The following SCYL2 variants were observed in gnomAD, a reference collection of about 807,000 sequenced individuals.
SCYL2 encodes the protein SCY1-like protein 2.
In SCYL2, 36 loss-of-function variants were observed where a neutral mutation model predicts 100.4. The ratio of observed to expected loss-of-function variants is 0.36; its 90% confidence interval spans 0.27 to 0.47. The LOEUF (loss-of-function observed/expected upper bound fraction) is 0.47, where lower values mean the gene tolerates loss of function less well. SCYL2 is among the 20% of genes least tolerant of loss of function. The pLI, the probability that SCYL2 is intolerant of heterozygous loss-of-function variation, is 1.00. For missense variants in SCYL2, 902 were observed against 1,083.9 expected, an observed-to-expected ratio of 0.83 and a Z score of 2.36; for synonymous variants, 330 against 359.2, an observed-to-expected ratio of 0.92 and a Z score of 0.92.
intron 4 of SCYL2, 67 bp downstream of exon 4, chr12:100,298,242 C>A: frequency 2.6e-6 from 3 of 1,154,454 alleles, no homozygotes; most frequent in African/African-American, 1.6e-5. Context: ...GCATTTCAAA[C>A]TTATTAACCA....
chr12:100,283,947 A>T (rs148210295), intron 2 of SCYL2, among the ~76,000 whole-genome samples: 36 of 152,270 alleles, frequency 2.4e-4, no homozygotes, highest in African/African-American at 8.2e-4. Context: ...TCGATTTGTT[A>T]CTTTTGAACA....
In SCYL2 at chr12:100,323,641, A is replaced by G; in HGVS notation, c.1509+3A>G. 1 of 1,488,268 alleles carries G rather than the reference A, an allele frequency of 6.7e-7. No homozygotes were observed. Among genetic ancestry groups the G allele is most frequent in the Non-Finnish European group, 9.2e-7 (1 of 1,084,082 alleles). The allele number at this position is 1,488,268 out of a possible 1,614,324, so 92.2% of individuals were successfully genotyped here. The stretch of plus-strand genomic sequence containing the variant: ...GTCTACAAACATCTTCCCTTGCGGT[A>G]AGTAATTGCATATTAATTTTTGTTT... On this transcript the variant is annotated splice_donor_region_variant and intron_variant, in intron 11 of 17. Coordinates refer to ENST00000360820, the MANE Select transcript of SCYL2 (RefSeq NM_017988.6).
chr12:100,275,205 T>A (rs2096291319), intron 1 of SCYL2, among the ~76,000 whole-genome samples: 1 of 152,064 alleles, frequency 6.6e-6, no homozygotes, highest in Non-Finnish European at 1.5e-5. Flanking sequence ...AATTTCTTTT[T>A]TTTTTCTTTT....
At chr12:100,320,126 C>T (rs1037573211) in intron 10 of SCYL2, among the ~76,000 whole-genome samples, 1 of 152,138 alleles carries the variant, frequency 6.6e-6, no homozygotes, top group African/African-American at 2.4e-5. Context: ...CACCCACCAC[C>T]CATTATAAAG....
intron 3 of SCYL2, among the ~76,000 whole-genome samples, chr12:100,296,605 G>C (rs976903445): frequency 1.1e-4 from 16 of 152,098 alleles, no homozygotes; most frequent in African/African-American, 2.7e-4. Context: ...GATAAGGACA[G>C]AGAAGAATCC....
At chr12:100,315,781 T>G (rs779653231) in intron 9 of SCYL2, 47 bp downstream of exon 9, 2 of 1,399,526 alleles carry the variant, frequency 1.4e-6, no homozygotes, top group African/African-American at 1.4e-5. Context: ...TATTTATGAT[T>G]GTGACTATCA....
intron 3 of SCYL2, among the ~76,000 whole-genome samples, chr12:100,295,731 G>T (rs992084390): frequency 1.3e-5 from 2 of 151,940 alleles, no homozygotes; most frequent in African/African-American, 4.8e-5. Flanking sequence ...GGGAGAGGGA[G>T]AGGGAGACCA....
At chr12:100,296,568 C>T (rs1357000881) in intron 3 of SCYL2, among the ~76,000 whole-genome samples, 1 of 152,064 alleles carries the variant, frequency 6.6e-6, no homozygotes, top group Non-Finnish European at 1.5e-5. Flanking sequence ...AACCTGCTAA[C>T]ACTGGGGAAT....
chr12:100,314,762 G>C (rs1183383233), intron 8 of SCYL2, 148 bp downstream of exon 8: 5 of 752,006 alleles, frequency 6.6e-6, no homozygotes, highest in Non-Finnish European at 1.0e-5. Flanking sequence ...GAAGCCAAAA[G>C]TTCAGTGGAC....
At chr12:100,298,416 G>C (rs2096323540) in intron 4 of SCYL2, among the ~76,000 whole-genome samples, 1 of 152,072 alleles carries the variant, frequency 6.6e-6, no homozygotes, top group African/African-American at 2.4e-5. Context: ...ATTGGCTAGT[G>C]GATGGAGTGG....
chr12:100,290,735 G>A (rs1386463848), intron 2 of SCYL2, among the ~76,000 whole-genome samples: 2 of 152,064 alleles, frequency 1.3e-5, no homozygotes, highest in African/African-American at 4.8e-5. Flanking sequence ...TGCTAATTTC[G>A]TTTCCAGTTT....
At chr12:100,327,561 A>G (rs965513332) in intron 12 of SCYL2, among the ~76,000 whole-genome samples, 2 of 150,712 alleles carry the variant, frequency 1.3e-5, no homozygotes, top group Non-Finnish European at 3.0e-5. Flanking sequence ...GTCACCCAGG[A>G]TGGAGTGCAG....
At chr12:100,294,586 C>A (rs1286080527) in intron 3 of SCYL2, among the ~76,000 whole-genome samples, 1 of 145,532 alleles carries the variant, frequency 6.9e-6, no homozygotes, top group Non-Finnish European at 1.5e-5. Context: ...CCCCCCACCT[C>A]CCTCCTGGAC....
At chr12:100,330,441 C>G (rs1036383643) in intron 13 of SCYL2, among the ~76,000 whole-genome samples, 1 of 152,308 alleles carries the variant, frequency 6.6e-6, no homozygotes, top group East Asian at 1.9e-4. Flanking sequence ...GTTATTAGAG[C>G]TTATTCTTCA....
intron 4 of SCYL2, among the ~76,000 whole-genome samples, chr12:100,309,563 C>T (rs1183179175): frequency 1.3e-5 from 2 of 152,168 alleles, no homozygotes; most frequent in African/African-American, 4.8e-5. Flanking sequence ...GAATTTCCTT[C>T]CTTTTAAAGG....
chr12:100,314,872 C>T (rs868827597), intron 8 of SCYL2, among the ~76,000 whole-genome samples: 1 of 152,138 alleles, frequency 6.6e-6, no homozygotes, highest in Non-Finnish European at 1.5e-5. Context: ...AAGAAGAGTC[C>T]ATAAGCTATC....
chr12:100,315,144 G>A (rs1014203816), intron 8 of SCYL2, among the ~76,000 whole-genome samples: 2 of 152,196 alleles, frequency 1.3e-5, no homozygotes, highest in African/African-American at 4.8e-5. Context: ...AGAGTAAAGA[G>A]GAGGCATAAA....
chr12:100,284,907 C>T (rs893454646), intron 2 of SCYL2, among the ~76,000 whole-genome samples: 3 of 152,102 alleles, frequency 2.0e-5, no homozygotes, highest in African/African-American at 7.2e-5. Context: ...CATGGTGGCT[C>T]ACGCCTGTAG....
chr12:100,294,454 C>T (rs1423883949), intron 3 of SCYL2, among the ~76,000 whole-genome samples: 37 of 96,416 alleles, frequency 3.8e-4, no homozygotes, highest in South Asian at 1.2e-3. Context: ...CCAGTAGGGG[C>T]GGCCGGGCAG....
Sources: gnomAD v4.1 joint callset for allele counts (sites outside exome capture counted in the v4.1 genomes callset) on GRCh38, gnomAD v4.1.1 for gene constraint, MANE v1.5 for transcripts, NCBI Gene and HGNC (gene_info 2026-07-23, HGNC 2026-07-21) for gene names.